The following SCO1 variants were observed in gnomAD, a reference collection of about 807,000 sequenced individuals.
SCO1 encodes synthesis of cytochrome C oxidase 1.
In SCO1, 23 loss-of-function variants were observed where a neutral mutation model predicts 34.0. That is an observed-to-expected ratio of 0.68 (90% confidence interval 0.49 to 0.96). The LOEUF is 0.96. Ranked by LOEUF, SCO1 falls within the 40% of genes least tolerant of loss-of-function variation. SCO1 has a pLI of 0.00. For synonymous variants in SCO1, 161 were observed against 145.5 expected (o/e 1.11, Z -0.77); for missense variants, 404 against 381.6 (o/e 1.06, Z -0.49).
chr17:10,692,849 C>T lies in SCO1; in HGVS notation c.477G>A (p.Trp159Ter), dbSNP rs1318464630. Residue 159 changes from tryptophan to a stop codon, truncating the protein, a stop_gained, in exon 3 of 6, where the codon TGG (tryptophan) becomes TGA (stop). Coordinates refer to ENST00000255390, the MANE Select transcript of SCO1 (RefSeq NM_004589.4). LOFTEE classifies it high-confidence loss of function. ...RKTDKDYLGQ[W>*]LLIYFGFTHC... ...GAGTGAAGCCAAAATAAATCAATAA[C>T]CACTGACCCAAGTAGTCCTTGTCAG... The T allele has an allele frequency of 2.5e-6, 4 of 1,614,144 alleles. No individual in the cohort carries two copies. In the South Asian group the frequency reaches 4.4e-5, roughly 18 times the overall value.
rs2074560357 is a variant in SCO1, at chr17:10,673,452, T to TCATACAAA, written c.*7666_*7667insTTTGTATG. ...GGGCTGAGGCTGGTACAGGGAAAAG[T>TCATACAAA]GAGCCATACAAAGGCCTGCCCTGCT... On this transcript the variant is annotated 3_prime_UTR_variant, in exon 6 of 6. Coordinates refer to ENST00000255390, the MANE Select transcript of SCO1 (RefSeq NM_004589.4). 1 of 152,252 alleles carries TCATACAAA rather than the reference T, an allele frequency of 6.6e-6. No homozygotes were observed. Among genetic ancestry groups the TCATACAAA allele is most frequent in the South Asian group, 2.1e-4 (1 of 4,832 alleles). 9.4% of individuals were successfully genotyped at this position (152,252 alleles called of 1,614,324 possible). A position where few individuals can be genotyped will look rare whatever the true frequency, so the allele number is the denominator to read the frequency against.
chr17:10,681,669 TACAA>T (rs2074622709), intron 5 of SCO1, among the ~76,000 whole-genome samples: 1 of 152,202 alleles, frequency 6.6e-6, no homozygotes, highest in Non-Finnish European at 1.5e-5. Flanking sequence ...CTAAACATGT[TACAA>T]ACAGACATCA....
chr17:10,678,737 T>G lies in SCO1; in HGVS notation c.*2382A>C, dbSNP rs2074598859. 1 of 152,234 alleles carries G rather than the reference T, an allele frequency of 6.6e-6. No homozygotes were observed. The highest frequency in any genetic ancestry group is 2.4e-5 in the African/African-American group (1 of 41,458). The allele number at this position is 152,234 out of a possible 1,614,324, so 9.4% of individuals were successfully genotyped here. On this transcript the variant is annotated 3_prime_UTR_variant, in exon 6 of 6. Transcript: ENST00000255390. ...TAAACTAAATCTTGCAGTTGTTTAT[T>G]AAGGAACAGGCTATTGTATTAGCTT...
intron 4 of SCO1, among the ~76,000 whole-genome samples, chr17:10,688,586 G>A (rs1225537048): frequency 3.3e-5 from 5 of 152,158 alleles, no homozygotes; most frequent in Non-Finnish European, 5.9e-5. Flanking sequence ...GGTTCTCAGT[G>A]TCTTAGAAAG....
At chr17:10,693,198 C>T (rs922090185) in intron 2 of SCO1, among the ~76,000 whole-genome samples, 1 of 152,150 alleles carries the variant, frequency 6.6e-6, no homozygotes, top group Non-Finnish European at 1.5e-5. Context: ...AATATTTCTT[C>T]TTTTTCAGGA....
At chr17:10,688,857 C>T (rs563659663) in intron 4 of SCO1, among the ~76,000 whole-genome samples, 2 of 141,076 alleles carry the variant, frequency 1.4e-5, no homozygotes, top group East Asian at 1.9e-4. Flanking sequence ...TGGCTCACGC[C>T]TGTAATCCCA....
intron 4 of SCO1, among the ~76,000 whole-genome samples, chr17:10,687,999 T>G (rs1398842260): frequency 1.3e-5 from 2 of 152,248 alleles, no homozygotes; most frequent in African/African-American, 4.8e-5. Context: ...CCCAAATTTC[T>G]GACAAACCTA....
At position 10,697,348 on chromosome 17, in the gene SCO1, C is replaced by A. The variant is rs2074737922; in HGVS notation, c.160G>T (p.Ala54Ser). ...FCARQAEAWR[A>S]SGRPGYCLGT... ...AGGCAATAGCCAGGGCGCCCCGAGG[C>A]ACGCCACGCCTCCGCTTGCCGCGCG... The change falls in exon 1 of 6, where the codon GCC becomes TCC. Residue 54 changes from alanine to serine, a missense_variant. By Grantham distance (99) the Ala-to-Ser change is moderately conservative. Coordinates refer to ENST00000255390, the MANE Select transcript of SCO1 (RefSeq NM_004589.4). 6.3e-7 allele frequency: 1 copy of A among 1,580,382 alleles called. No individual in the cohort carries two copies. Among genetic ancestry groups the A allele is most frequent in the Non-Finnish European group, 8.6e-7 (1 of 1,163,818 alleles).
rs912571776 is a variant in SCO1 at position 10,675,359 on chromosome 17, A to C, written c.*5760T>G. 6.6e-6 allele frequency: 1 copy of C among 152,274 alleles called. No homozygotes were observed. The highest frequency in any genetic ancestry group is 1.5e-5 in the Non-Finnish European group (1 of 68,058). The allele number at this position is 152,274 out of a possible 1,614,324, so 9.4% of individuals were successfully genotyped here. On this transcript the variant is annotated 3_prime_UTR_variant, in exon 6 of 6. Coordinates refer to ENST00000255390, the MANE Select transcript of SCO1 (RefSeq NM_004589.4). ...GCATTAGCTTTTATCTCTCTGCCCA[A>C]GCTACAGCAAATTGCTGAGAGCTGT...
chr17:10,685,133 G>C (rs1409311813), intron 5 of SCO1, among the ~76,000 whole-genome samples: 1 of 152,170 alleles, frequency 6.6e-6, no homozygotes, highest in Non-Finnish European at 1.5e-5. Context: ...GTTGGCTGTT[G>C]AGACAAAGCA....
rs375940362 is a variant in SCO1 at position 10,686,862 on chromosome 17, G to A, written c.656-20C>T. 6.6e-7 allele frequency: 1 copy of A among 1,523,498 alleles called. No individual in the cohort carries two copies. The highest frequency in any genetic ancestry group is 1.1e-5 in the South Asian group (1 of 89,194). The allele number at this position is 1,523,498 out of a possible 1,614,324, so 94.4% of individuals were successfully genotyped here. A position where few individuals can be genotyped will look rare whatever the true frequency, so the allele number is the denominator to read the frequency against. On this transcript the variant is annotated intron_variant, in intron 4 of 5. Coordinates refer to ENST00000255390, the MANE Select transcript of SCO1 (RefSeq NM_004589.4). ...AAAATTCTAAATAAAAAATGAGAGA[G>A]ACAGTGAAAAATGAGAAGCCAGTAA...
chr17:10,696,912 T>C (rs753123479), intron 1 of SCO1, among the ~76,000 whole-genome samples: 1 of 152,112 alleles, frequency 6.6e-6, no homozygotes, highest in Non-Finnish European at 1.5e-5. Flanking sequence ...TCAATCACGG[T>C]AAACTTTAGG....
intron 5 of SCO1, among the ~76,000 whole-genome samples, chr17:10,685,637 A>G (rs2074651003): frequency 6.6e-6 from 1 of 152,246 alleles, no homozygotes; most frequent in African/African-American, 2.4e-5. Context: ...ATGGGCAAAT[A>G]AACCTTTCAT....
In SCO1 at chr17:10,691,759, A is replaced by C; in HGVS notation, c.655+113T>G. 4 of 719,878 alleles carry C rather than the reference A, an allele frequency of 5.6e-6. No individual in the cohort carries two copies. In the South Asian group the frequency reaches 6.0e-5, roughly 11 times the overall value. 44.6% of individuals were successfully genotyped at this position (719,878 alleles called of 1,614,324 possible). On this transcript the variant is annotated intron_variant, in intron 4 of 5. Transcript: ENST00000255390. Reference sequence around the variant, plus strand: ...GCTTCACCTTTTTATTCACCCATAAAACTGGTGATAATACCATTTGTCCTA... The same window carrying C: ...GCTTCACCTTTTTATTCACCCATAACACTGGTGATAATACCATTTGTCCTA...
At chr17:10,686,657 C>G (rs2074658387) in intron 5 of SCO1, 70 bp downstream of exon 5, 1 of 912,634 alleles carries the variant, frequency 1.1e-6, no homozygotes, top group South Asian at 1.3e-5. Context: ...GCTAGTCAGT[C>G]ATTGAAAGCC....
At chr17:10,695,578 AG>A (rs1440073117) in intron 2 of SCO1, 162 bp downstream of exon 2, 1 of 582,556 alleles carries the variant, frequency 1.7e-6, no homozygotes, top group African/African-American at 1.9e-5. Context: ...TGTTAATATT[AG>A]GGGAAGCTGG....
chr17:10,687,114 T>C (rs2074661676), intron 4 of SCO1, among the ~76,000 whole-genome samples: 1 of 152,206 alleles, frequency 6.6e-6, no homozygotes, highest in African/African-American at 2.4e-5. Flanking sequence ...ACATTTTAAA[T>C]TGATTTTTAA....
intron 5 of SCO1, among the ~76,000 whole-genome samples, chr17:10,686,093 C>T (rs2662951): frequency 0.04 from 6,076 of 152,048 alleles, 397 homozygotes; most frequent in African/African-American, 0.13. Context: ...AATACAAAAA[C>T]TAGCCAGGCG....
Position 10,692,861 on chromosome 17 carries a change from G to A in SCO1, c.465C>T (p.Tyr155=). ...HTGERKTDKD[Y]LGQWLLIYFG... is the part of the protein sequence containing the mutation. ...AATAAATCAATAACCACTGACCCAA[G>A]TAGTCCTTGTCAGTTTTACGCTCCC... is the stretch of plus-strand genomic sequence containing the variant. Residue 155 remains tyrosine (Y), a synonymous_variant, in exon 3 of 6, where the codon TAC becomes TAT. Transcript: ENST00000255390. 6.2e-7 allele frequency: 1 copy of A among 1,614,018 alleles called. No homozygotes were observed. Among genetic ancestry groups the A allele is most frequent in the Non-Finnish European group, 8.5e-7 (1 of 1,179,870 alleles).
Sources: allele counts gnomAD v4.1 joint callset (sites outside exome capture counted in the v4.1 genomes callset), GRCh38; gene constraint gnomAD v4.1.1; transcripts MANE v1.5; gene names NCBI Gene and HGNC (gene_info 2026-07-23, HGNC 2026-07-21).